The following RNF213 variants were observed in gnomAD, a reference collection of about 807,000 sequenced individuals.
RNF213 encodes the protein E3 ubiquitin-protein ligase RNF213.
RNF213 carries 341 observed loss-of-function variants against 514.4 expected under a neutral mutation model. The ratio of observed to expected loss-of-function variants is 0.66; its 90% CI spans 0.61 to 0.73. RNF213 has a LOEUF of 0.73. Among genes scored for constraint, RNF213 ranks in the 30% least tolerant of loss-of-function variants. The probability of loss-of-function intolerance (pLI) is 0.00; values close to 1 mark genes in which losing one functional copy is unlikely to be tolerated. For synonymous variants in RNF213, 2,655 were observed against 2,658.2 expected (o/e 1.00, Z 0.04); for missense variants, 5,767 against 6,615.6 (o/e 0.87, Z 4.45).
intron 2 of RNF213, among the ~76,000 whole-genome samples, chr17:80,270,467 C>T (rs1176319373): frequency 2.6e-5 from 4 of 152,180 alleles, no homozygotes; most frequent in African/African-American, 4.8e-5. Context: ...ACTCACTGGC[C>T]GCGTCTCTGT....
intron 31 of RNF213, 27 bp from the exon 32 acceptor site, chr17:80,351,658 G>A: frequency 8.5e-7 from 1 of 1,177,364 alleles, no homozygotes; most frequent in Non-Finnish European, 1.3e-6. Flanking sequence ...TTTTAAAATA[G>A]GTATTCTTTT....
chr17:80,370,252 A>G (rs192767810), intron 46 of RNF213, among the ~76,000 whole-genome samples: 6 of 152,204 alleles, frequency 3.9e-5, no homozygotes, highest in Admixed American at 3.9e-4. Context: ...GATGTCTCCT[A>G]AGTTTCTATT....
chr17:80,277,424 C>G lies in RNF213; in HGVS notation c.261+4020C>G, dbSNP rs375529318. Among the ~76,000 whole-genome samples, 8 of 151,988 alleles carry G rather than the reference C, an allele frequency of 5.3e-5. 1 individual carries two copies. The highest frequency in any genetic ancestry group is 1.9e-4 in the African/African-American group (8 of 41,458). ...ACCAACCTGACCAACATGGGGAAACCCCGTCTCTACTAAAAATACAAAAAG... is the reference window on the plus strand; with the variant it reads ...ACCAACCTGACCAACATGGGGAAACGCCGTCTCTACTAAAAATACAAAAAG... On this transcript the variant is annotated intron_variant, in intron 3 of 67. Transcript: ENST00000582970.
intron 13 of RNF213, 68 bp from the exon 14 acceptor site, chr17:80,308,950 C>T: frequency 6.3e-7 from 1 of 1,589,008 alleles, no homozygotes. Flanking sequence ...AGCTAGTCAT[C>T]AATGGTAACC....
chr17:80,363,481 C>A, intron 40 of RNF213, 128 bp from the exon 41 acceptor site: 1 of 1,247,816 alleles, frequency 8.0e-7, no homozygotes, highest in Non-Finnish European at 1.2e-6. Context: ...ACGCTTCTCA[C>A]ATCCTAGACA....
At chr17:80,327,751 C>A in intron 18 of RNF213, 65 bp from the exon 19 acceptor site, 1 of 1,375,524 alleles carries the variant, frequency 7.3e-7, no homozygotes, top group Non-Finnish European at 9.8e-7. Flanking sequence ...GGAATTCCCA[C>A]GGTAACGGCA....
In RNF213 at chr17:80,306,233, C is replaced by T; in HGVS notation, c.2211-19C>T. 6.2e-7 allele frequency: 1 copy of T among 1,611,128 alleles called. No individual in the cohort carries two copies. The highest frequency in any genetic ancestry group is 1.1e-5 in the South Asian group (1 of 90,994). ...ATCTCACTGCGTCTCTTTTCTCCGT[C>T]CCTATTTCTCTTATGCAGGAGTTCC... is the stretch of plus-strand genomic sequence containing the variant. On this transcript the variant is annotated intron_variant, in intron 11 of 67. Transcript: ENST00000582970.
intron 11 of RNF213, among the ~76,000 whole-genome samples, chr17:80,304,802 G>A (rs554807013): frequency 1.1e-4 from 16 of 152,138 alleles, no homozygotes; most frequent in South Asian, 1.0e-3. Context: ...CTGTGTAGCC[G>A]TCAGCACCAT....
chr17:80,371,942 A>C lies in RNF213; in HGVS notation c.12494A>C (p.Glu4165Ala). The change falls in exon 47 of 68, where the codon GAA becomes GCA. Residue 4165 changes from glutamate (E) to alanine (A), a missense_variant. Glu to Ala is a moderately radical substitution (Grantham distance 107). This residue lies in a region of RNF213 where 1,245 missense variants were observed against 1,339.0 expected (regional missense o/e 0.93). Transcript: ENST00000582970. ...TLLKKKAFIT[E>A]DKTELYMLFI... The stretch of plus-strand genomic sequence containing the variant: ...TTAAAAAAGAAAGCATTCATAACTG[A>C]AGATAAAACTGAACTGTACATGCTC... The C allele has an allele frequency of 6.3e-7, 1 of 1,598,136 alleles. No individual in the cohort carries two copies. Among genetic ancestry groups the C allele is most frequent in the Non-Finnish European group, 8.6e-7 (1 of 1,165,442 alleles).
In RNF213 at chr17:80,358,312, A is replaced by G. The variant is rs377645758; in HGVS notation, c.10887A>G (p.Gln3629=). The change falls in exon 37 of 68, where the codon CAA becomes CAG. Residue 3629 remains glutamine, a synonymous_variant. Coordinates refer to ENST00000582970, the MANE Select transcript of RNF213 (RefSeq NM_001256071.3). ...GGCACACCCTCTGGAAGCGGGTCCA[A>G]GGTGCTGTCACCCCTCTGCTGGCGA... ...TFRHTLWKRV[Q]GAVTPLLASM... 80 of 1,613,986 alleles carry G rather than the reference A, an allele frequency of 5.0e-5. No individual in the cohort carries two copies. Among genetic ancestry groups the G allele is most frequent in the Non-Finnish European group, 6.2e-5 (73 of 1,179,998 alleles).
Position 80,373,985 on chromosome 17 carries a change from A to T in RNF213, c.12943-473A>T, listed in dbSNP as rs557607522. Among the ~76,000 whole-genome samples, 17 of 143,516 alleles carry T rather than the reference A, an allele frequency of 1.2e-4. No individual in the cohort carries two copies. The East Asian group carries it at 2.8e-3, about 24-fold the overall frequency. 94.2% of individuals were successfully genotyped at this position (143,516 alleles called of 152,430 possible). ...ACCACTGCACTCCAGCGCCTGGGCGATAGAGCGAGACTCCGTCTCAAAAAA... is the reference window on the plus strand; with the variant it reads ...ACCACTGCACTCCAGCGCCTGGGCGTTAGAGCGAGACTCCGTCTCAAAAAA... On this transcript the variant is annotated intron_variant, in intron 49 of 67. Transcript: ENST00000582970.
rs2079904524 is a variant in RNF213 at position 80,379,621 on chromosome 17, G to A, written c.13547G>A (p.Cys4516Tyr). The A allele has an allele frequency of 6.2e-7, 1 of 1,614,074 alleles. No homozygotes were observed. The highest frequency in any genetic ancestry group is 1.3e-5 in the African/African-American group (1 of 75,052). The change falls in exon 55 of 68, where the codon TGT becomes TAT. Residue 4516 changes from cysteine (C) to tyrosine (Y), a missense_variant and splice_region_variant. Physicochemically the swap from Cys to Tyr is radical, Grantham distance 194. This residue lies in a region of RNF213 where 1,245 missense variants were observed against 1,339.0 expected (regional missense o/e 0.93). Transcript: ENST00000582970. ...TCTAGTGCCCTGTCTTCACCCTAGT[G>A]TGGCAGGCCGATGGAACAGAGCATC... The part of the protein sequence containing the change: ...PNGHPCSVGE[C>Y]GRPMEQSICI...
chr17:80,274,437 C>T (rs1401187461), intron 3 of RNF213, among the ~76,000 whole-genome samples: 7 of 148,962 alleles, frequency 4.7e-5, no homozygotes, highest in Non-Finnish European at 1.0e-4. Flanking sequence ...AGGGCAGTGT[C>T]AGCTCCCGGG....
Position 80,363,311 on chromosome 17 carries a change from G to A in RNF213, c.11565G>A (p.Glu3855=). 6.2e-7 allele frequency: 1 copy of A among 1,613,698 alleles called. No homozygotes were observed. Among genetic ancestry groups the A allele is most frequent in the Non-Finnish European group, 8.5e-7 (1 of 1,179,964 alleles). Residue 3855 remains glutamate (E), a synonymous_variant, in exon 40 of 68, where the codon GAG becomes GAA. Coordinates refer to ENST00000582970, the MANE Select transcript of RNF213 (RefSeq NM_001256071.3). ...GGAACCATGAGCTGGCTGGATGTGA[G>A]ATGGTATGGCCCTCCTCCGCCTGCC... ...ARWNHELAGC[E]MTLDAFAAMA...
intron 11 of RNF213, among the ~76,000 whole-genome samples, chr17:80,302,879 T>C (rs1241783192): frequency 6.6e-6 from 1 of 152,186 alleles, no homozygotes; most frequent in Non-Finnish European, 1.5e-5. Flanking sequence ...AACCACAAAC[T>C]TTCTCTTTAA....
chr17:80,385,912 C>T (rs1288112978), intron 61 of RNF213, among the ~76,000 whole-genome samples: 6 of 152,188 alleles, frequency 3.9e-5, no homozygotes, highest in East Asian at 3.9e-4. Flanking sequence ...GCAATCCACC[C>T]GCCTCGGCCT....
At chr17:80,344,585 C>T in intron 28 of RNF213, 93 bp from the exon 29 acceptor site, 2 of 1,361,188 alleles carry the variant, frequency 1.5e-6, no homozygotes, top group East Asian at 2.3e-5. Flanking sequence ...TCATAAAGGT[C>T]CATCCAATAT....
Position 80,377,878 on chromosome 17 carries a change from T to A in RNF213, c.13545+82T>A, listed in dbSNP as rs1182218965. The A allele has an allele frequency of 3.3e-6, 5 of 1,506,236 alleles. No homozygotes were observed. Among genetic ancestry groups the A allele is most frequent in the Non-Finnish European group, 4.6e-6 (5 of 1,082,684 alleles). 93.3% of individuals were successfully genotyped at this position (1,506,236 alleles called of 1,614,324 possible). A position where few individuals can be genotyped will look rare whatever the true frequency, so the allele number is the denominator to read the frequency against. On this transcript the variant is annotated intron_variant, in intron 54 of 67. Coordinates refer to ENST00000582970, the MANE Select transcript of RNF213 (RefSeq NM_001256071.3). This position sits in a 1 kb window ranked among gnomAD's most constrained non-coding sequence, Gnocchi z 4.1. ...GGAGGGGGATCGTGGGTCAGGAGAG[T>A]GAGGCTCTCGGCCTTCCAGGAGAGC...
chr17:80,306,205 C>G, intron 11 of RNF213, 47 bp from the exon 12 acceptor site: 1 of 1,566,906 alleles, frequency 6.4e-7, no homozygotes, highest in Middle Eastern at 1.7e-4. Flanking sequence ...TTTTCCCTCA[C>G]TGATCTCACT....
Sources: gnomAD v4.1 joint callset for allele counts (sites outside exome capture counted in the v4.1 genomes callset) on GRCh38, gnomAD v4.1.1 for gene constraint, gnomAD v4.1.1 regional missense constraint, Gnocchi (gnomAD v3.1) non-coding constraint, MANE v1.5 for transcripts, NCBI Gene and HGNC (gene_info 2026-07-23, HGNC 2026-07-21) for gene names.